Variants in PLXDC2 observed in about 807,000 individuals in gnomAD.
PLXDC2 encodes plexin domain containing 2.
In PLXDC2, 40 loss-of-function variants were observed where a neutral mutation model predicts 68.9. The observed-to-expected ratio is 0.58, with a 90% CI of 0.45 to 0.76. The LOEUF is 0.76. PLXDC2 is among the 30% of genes least tolerant of loss of function. The probability of loss-of-function intolerance (pLI) is 0.00; values close to 1 mark genes in which losing one functional copy is unlikely to be tolerated. For synonymous variants in PLXDC2, 243 were observed against 234.2 expected (o/e 1.04, Z -0.34); for missense variants, 644 against 661.9 (o/e 0.97, Z 0.30).
intron 1 of PLXDC2, among the ~76,000 whole-genome samples, chr10:19,907,283 T>C (rs559918012): frequency 1.0e-3 from 155 of 152,226 alleles, no homozygotes; most frequent in Non-Finnish European, 1.6e-3. Context: ...TTAAAAAAGC[T>C]TAAGGTTTAA....
chr10:20,238,352 A>C (rs1835461531), intron 12 of PLXDC2, among the ~76,000 whole-genome samples: 2 of 151,434 alleles, frequency 1.3e-5, no homozygotes, highest in Admixed American at 1.3e-4. Flanking sequence ...GTATTTTAAA[A>C]ATATGTTCTC....
intron 2 of PLXDC2, among the ~76,000 whole-genome samples, chr10:20,024,254 A>G (rs2131661356): frequency 6.6e-6 from 1 of 152,350 alleles, no homozygotes; most frequent in South Asian, 2.1e-4. Flanking sequence ...TAAGGGAACC[A>G]AATATGTGTT....
chr10:20,186,407 T>G (rs1466411444), intron 9 of PLXDC2, among the ~76,000 whole-genome samples: 1 of 151,938 alleles, frequency 6.6e-6, no homozygotes, highest in South Asian at 2.1e-4. Flanking sequence ...TAGAGTGTAT[T>G]CTTTTTCTCT....
intron 12 of PLXDC2, among the ~76,000 whole-genome samples, chr10:20,220,387 T>G (rs1186157131): frequency 2.6e-5 from 4 of 151,926 alleles, no homozygotes; most frequent in Non-Finnish European, 5.9e-5. Context: ...GGGGGAAGAG[T>G]CCCCAAGAGA....
At chr10:20,069,426 G>T (rs1244125621) in intron 4 of PLXDC2, among the ~76,000 whole-genome samples, 2 of 152,178 alleles carry the variant, frequency 1.3e-5, no homozygotes, top group Non-Finnish European at 2.9e-5. Context: ...GGAAGCTCAG[G>T]TGGGAGGATC....
intron 12 of PLXDC2, among the ~76,000 whole-genome samples, chr10:20,233,996 T>TTA (rs1554777017): frequency 2.0e-5 from 3 of 151,148 alleles, no homozygotes; most frequent in Non-Finnish European, 4.4e-5. Context: ...ACTTTTTTTT[T>TTA]TTTTATTTTT....
rs1314824358 is a variant in PLXDC2 at position 19,964,134 on chromosome 10, C to A, written c.113-37641C>A. Among the ~76,000 whole-genome samples, 3 of 152,186 alleles carry A rather than the reference C, an allele frequency of 2.0e-5. No homozygotes were observed. The South Asian group carries it at 6.2e-4, about 31-fold the overall frequency. The stretch of plus-strand genomic sequence containing the variant: ...GAAAGAAAAAGCCCCTGATTTGTAG[C>A]CTCTGCCAATTTCTTTGGCTATTCC... On this transcript the variant is annotated intron_variant, in intron 1 of 13. Coordinates refer to ENST00000377252, the MANE Select transcript of PLXDC2 (RefSeq NM_032812.9).
rs71200986 is a variant in PLXDC2, at chr10:20,149,229, C to CTTT, written c.783+1351_783+1353dup. 6.0e-4 allele frequency among the ~76,000 whole-genome samples: 21 copies of CTTT among 34,930 alleles called. 1 individual carries two copies. Among genetic ancestry groups the CTTT allele is most frequent in the East Asian group, 2.3e-3 (2 of 886 alleles). 22.9% of individuals were successfully genotyped at this position (34,930 alleles called of 152,430 possible). A position where few individuals can be genotyped will look rare whatever the true frequency, so the allele number is the denominator to read the frequency against. ...ATTTTTCTTTCTTTTTTTTTCTTTT[C>CTTT]TTTTTTTTTTTTTTTTTTTTTTTTT... is the stretch of plus-strand genomic sequence containing the variant. On this transcript the variant is annotated intron_variant, in intron 6 of 13. Transcript: ENST00000377252.
chr10:20,094,140 T>C (rs1405884557), intron 4 of PLXDC2, among the ~76,000 whole-genome samples: 1 of 152,200 alleles, frequency 6.6e-6, no homozygotes, highest in Admixed American at 6.5e-5. Context: ...ATGTATTAAA[T>C]CTTTTGTAGA....
chr10:19,844,721 G>C (rs1836972594), intron 1 of PLXDC2, among the ~76,000 whole-genome samples: 1 of 151,726 alleles, frequency 6.6e-6, no homozygotes, highest in African/African-American at 2.4e-5. Context: ...TCAGCCTCCT[G>C]AGTAGCTGGG....
chr10:20,281,192 C>T lies in PLXDC2; in HGVS notation c.*1373C>T, dbSNP rs1836077791. On this transcript the variant is annotated 3_prime_UTR_variant, in exon 14 of 14. Transcript: ENST00000377252. ...TAAATAAAGTGGATGCAGAAAGCTCCTTAAATGGAGATATCGATTGCCTTG... is the reference window on the plus strand; with the variant it reads ...TAAATAAAGTGGATGCAGAAAGCTCTTTAAATGGAGATATCGATTGCCTTG... 6.6e-6 allele frequency: 1 copy of T among 152,086 alleles called. No homozygotes were observed. Among genetic ancestry groups the T allele is most frequent in the Non-Finnish European group, 1.5e-5 (1 of 68,018 alleles). 9.4% of individuals were successfully genotyped at this position (152,086 alleles called of 1,614,324 possible).
In PLXDC2 at chr10:19,872,935, C is replaced by A. The variant is rs566432735; in HGVS notation, c.112+55744C>A. ...AGAGTCTGGACTGTTTGGTTCACTC[C>A]CGTTTTCCACATATCTAATCTTTAT... is the stretch of plus-strand genomic sequence containing the variant. On this transcript the variant is annotated intron_variant, in intron 1 of 13. Transcript: ENST00000377252. 3.6e-3 allele frequency among the ~76,000 whole-genome samples: 551 copies of A among 152,246 alleles called. 1 individual carries two copies. The highest frequency in any genetic ancestry group is 7.3e-3 in the Admixed American group (111 of 15,284).
At chr10:19,938,876 A>C (rs189966057) in intron 1 of PLXDC2, among the ~76,000 whole-genome samples, 1 of 152,170 alleles carries the variant, frequency 6.6e-6, no homozygotes, top group East Asian at 1.9e-4. Context: ...CAGAAACCAA[A>C]CAATCTGTAA....
At chr10:20,002,355 G>A (rs1448185412) in intron 2 of PLXDC2, among the ~76,000 whole-genome samples, 4 of 151,844 alleles carry the variant, frequency 2.6e-5, no homozygotes, top group Non-Finnish European at 4.4e-5. Flanking sequence ...TGCTTCCTGG[G>A]TTCAAGCAAT....
Position 20,252,143 on chromosome 10 carries a change from T to A in PLXDC2, c.1473+6638T>A, listed in dbSNP as rs12254347. The stretch of plus-strand genomic sequence containing the variant: ...GTGCAAGGGCAATGGAGTTTGCCTG[T>A]AAATAGTGGTTATAATTCCTACCTT... On this transcript the variant is annotated intron_variant, in intron 13 of 13. Coordinates refer to ENST00000377252, the MANE Select transcript of PLXDC2 (RefSeq NM_032812.9). Among the ~76,000 whole-genome samples, 920 of 152,260 alleles carry A rather than the reference T, an allele frequency of 6.0e-3. 6 individuals carry two copies. Among genetic ancestry groups the A allele is most frequent in the African/African-American group, 0.02 (839 of 41,562 alleles).
intron 1 of PLXDC2, among the ~76,000 whole-genome samples, chr10:19,884,060 T>A (rs1837793594): frequency 6.8e-6 from 1 of 146,284 alleles, no homozygotes; most frequent in African/African-American, 2.5e-5. Context: ...CCTGGCTAAT[T>A]TTTGTATTTT....
At chr10:20,076,864 G>A (rs928719074) in intron 4 of PLXDC2, among the ~76,000 whole-genome samples, 10 of 152,134 alleles carry the variant, frequency 6.6e-5, no homozygotes, top group African/African-American at 2.4e-4. Context: ...TCTAAAGACT[G>A]TCCCATGATG....
intron 3 of PLXDC2, among the ~76,000 whole-genome samples, chr10:20,067,434 C>T (rs1589613029): frequency 6.6e-6 from 1 of 152,124 alleles, no homozygotes; most frequent in East Asian, 1.9e-4. Flanking sequence ...GCCTGTAATC[C>T]AAGCACTTTG....
At chr10:19,888,041 C>T (rs768106225) in intron 1 of PLXDC2, among the ~76,000 whole-genome samples, 4 of 152,242 alleles carry the variant, frequency 2.6e-5, no homozygotes, top group Non-Finnish European at 4.4e-5. Context: ...TATCACTCCA[C>T]TTCTGACATG....
Sources: allele counts gnomAD v4.1 joint callset (sites outside exome capture counted in the v4.1 genomes callset), GRCh38; gene constraint gnomAD v4.1.1; transcripts MANE v1.5; gene names NCBI Gene and HGNC (gene_info 2026-07-23, HGNC 2026-07-21).